The following HERPUD1 variants were observed in gnomAD, a reference collection of about 807,000 sequenced individuals.
HERPUD1 encodes homocysteine-responsive endoplasmic reticulum-resident ubiquitin-like domain member 1 protein.
A neutral mutation model predicts 45.0 loss-of-function variants in HERPUD1; 17 were observed. The observed-to-expected ratio is 0.38, with a 90% confidence interval of 0.26 to 0.57. HERPUD1 has a LOEUF of 0.57. Ranked by LOEUF, HERPUD1 falls within the 20% of genes least tolerant of loss-of-function variation. The pLI is 0.72. For synonymous variants in HERPUD1, 164 were observed against 177.5 expected, an observed-to-expected ratio of 0.92 and a Z score of 0.61; for missense variants, 420 against 490.5, an observed-to-expected ratio of 0.86 and a Z score of 1.36.
chr16:56,939,544 A>T (rs1228235320), intron 5 of HERPUD1, among the ~76,000 whole-genome samples, 185 bp downstream of exon 5: 1 of 152,248 alleles, frequency 6.6e-6, no homozygotes, highest in Non-Finnish European at 1.5e-5. Context: ...GTGTATTGAC[A>T]CAAGGGTGCT....
intron 1 of HERPUD1, among the ~76,000 whole-genome samples, chr16:56,934,090 TATCTC>T (rs1178842612): frequency 2.0e-5 from 3 of 152,230 alleles, no homozygotes; most frequent in African/African-American, 7.2e-5. Flanking sequence ...TTGCTTTAAT[TATCTC>T]AAGCTACTTG....
At chr16:56,935,039 C>T (rs938373833) in intron 1 of HERPUD1, 196 bp from the exon 2 acceptor site, 35 of 557,370 alleles carry the variant, frequency 6.3e-5, no homozygotes, top group Admixed American at 1.2e-4. Context: ...TATTTATTTG[C>T]GTGTTAGAGA....
intron 4 of HERPUD1, 156 bp from the exon 5 acceptor site, chr16:56,939,081 T>C: frequency 1.4e-6 from 1 of 722,490 alleles, no homozygotes; most frequent in East Asian, 2.7e-5. Flanking sequence ...GTGCTTGTGG[T>C]ACATGGGTGC....
intron 6 of HERPUD1, 62 bp from the exon 7 acceptor site, chr16:56,942,070 A>G: frequency 7.4e-7 from 1 of 1,355,794 alleles, no homozygotes; most frequent in Admixed American, 1.7e-5. Flanking sequence ...GGAGCCTTGG[A>G]TTCTTGAGTA....
intron 3 of HERPUD1, chr16:56,935,798 C>A: frequency 3.6e-6 from 1 of 280,110 alleles, no homozygotes. Flanking sequence ...TAGCACATAG[C>A]AAGTTTCTTC....
At chr16:56,936,582 G>C (rs2055867947) in intron 3 of HERPUD1, 105 bp from the exon 4 acceptor site, 2 of 1,012,494 alleles carry the variant, frequency 2.0e-6, no homozygotes, top group South Asian at 3.0e-5. Context: ...GTTCAGAGGT[G>C]GGGGGTAGGA....
chr16:56,933,088 C>G (rs1167822591), intron 1 of HERPUD1: 1 of 363,980 alleles, frequency 2.7e-6, no homozygotes, highest in African/African-American at 2.1e-5. Flanking sequence ...CCCTTAGCAC[C>G]GCCTGCCCTG....
chr16:56,939,257 C>G lies in HERPUD1; in HGVS notation c.452C>G (p.Ala151Gly), dbSNP rs779665054. The G allele has an allele frequency of 1.9e-6, 3 of 1,614,108 alleles. No individual in the cohort carries two copies. The East Asian group carries it at 6.7e-5, about 36-fold the overall frequency. The stretch of plus-strand genomic sequence containing the variant: ...TATAGGCCTGAAGCTGCCCAGCAGG[C>G]ATTCCAAGGCCTGGGTCCTGGTTTC... ...NISRPEAAQQ[A>G]FQGLGPGFSG... The change falls in exon 5 of 8, where the codon GCA (alanine) becomes GGA (glycine). Residue 151 changes from alanine to glycine, a missense_variant. Physicochemically the swap from Ala to Gly is moderately conservative, Grantham distance 60. Transcript: ENST00000439977.
At chr16:56,940,323 G>GT (rs533973727) in intron 6 of HERPUD1, 78 bp downstream of exon 6, 275 of 1,072,562 alleles carry the variant, frequency 2.6e-4, no homozygotes, top group South Asian at 8.9e-4. Context: ...TTTGTTTCTT[G>GT]TTTTTTTTGA....
chr16:56,932,788 G>A (rs1264825380), intron 1 of HERPUD1, among the ~76,000 whole-genome samples: 1 of 152,226 alleles, frequency 6.6e-6, no homozygotes, highest in Non-Finnish European at 1.5e-5. Context: ...CGGGGCCGTG[G>A]CTTGAGAAAC....
intron 5 of HERPUD1, among the ~76,000 whole-genome samples, chr16:56,939,662 A>C (rs2055894060): frequency 6.6e-6 from 1 of 152,222 alleles, no homozygotes; most frequent in African/African-American, 2.4e-5. Context: ...CTGTGCCATA[A>C]TCTTACAGTG....
At position 56,942,185 on chromosome 16, in the gene HERPUD1, A is replaced by C; in HGVS notation, c.959A>C (p.Asn320Thr). ...CCGAGGCCGGTTCAGAACTTCCCAA[A>C]TGATGGTCCTCCTCCTGACGTTGTA... ...FRPRPVQNFPNDGPPPDVVNQ... is the reference protein window; with the variant it reads ...FRPRPVQNFPTDGPPPDVVNQ... Residue 320 changes from asparagine (N) to threonine (T), a missense_variant, in exon 7 of 8, where the codon AAT becomes ACT. Physicochemically the swap from Asn to Thr is moderately conservative, Grantham distance 65 (BLOSUM62 0). Coordinates refer to ENST00000439977, the MANE Select transcript of HERPUD1 (RefSeq NM_014685.4). 6.2e-7 allele frequency: 1 copy of C among 1,614,150 alleles called. No homozygotes were observed. Among genetic ancestry groups the C allele is most frequent in the Admixed American group, 1.7e-5 (1 of 60,020 alleles).
Position 56,943,490 on chromosome 16 carries a change from T to C in HERPUD1, c.*200T>C. On this transcript the variant is annotated 3_prime_UTR_variant, in exon 8 of 8. Coordinates refer to ENST00000439977, the MANE Select transcript of HERPUD1 (RefSeq NM_014685.4). Reference sequence around the variant, plus strand: ...GTGAACAAAAAATGCCCAAGGCTTCTCATGTCTTTATTCTGAAGAGCTTTA... The same window carrying C: ...GTGAACAAAAAATGCCCAAGGCTTCCCATGTCTTTATTCTGAAGAGCTTTA... 1.5e-6 allele frequency: 1 copy of C among 658,932 alleles called. No individual in the cohort carries two copies. The highest frequency in any genetic ancestry group is 1.6e-5 in the South Asian group (1 of 60,770). 40.8% of individuals were successfully genotyped at this position (658,932 alleles called of 1,614,324 possible).
chr16:56,932,322 G>C lies in HERPUD1; in HGVS notation c.78G>C (p.Leu26=), dbSNP rs1374558405. 1 of 1,606,216 alleles carries C rather than the reference G, an allele frequency of 6.2e-7. No homozygotes were observed. The highest frequency in any genetic ancestry group is 1.3e-5 in the African/African-American group (1 of 74,874). Residue 26 remains leucine (L), a synonymous_variant, in exon 1 of 8, where the codon CTG becomes CTC. Transcript: ENST00000439977. Reference sequence around the variant, plus strand: ...ACCAGCGCCACCGCGACTTGGAGCTGAGTGGCGACCGCGGCTGGAGTGTGG... The same window carrying C: ...ACCAGCGCCACCGCGACTTGGAGCTCAGTGGCGACCGCGGCTGGAGTGTGG... The part of the protein sequence containing the change: ...SPNQRHRDLE[L]SGDRGWSVGH...
At chr16:56,935,621 C>T (rs2055860884) in intron 3 of HERPUD1, 146 bp downstream of exon 3, 1 of 681,528 alleles carries the variant, frequency 1.5e-6, no homozygotes, top group Non-Finnish European at 2.5e-6. Context: ...GAATTAGAAA[C>T]TGTATTATCA....
rs2055925136 is a variant in HERPUD1, at chr16:56,943,236, C to T, written c.1122C>T (p.Phe374=). Residue 374 remains phenylalanine (F), a synonymous_variant, in exon 8 of 8, where the codon TTC becomes TTT. Coordinates refer to ENST00000439977, the MANE Select transcript of HERPUD1 (RefSeq NM_014685.4). ...TTATGAGCACAGCATGGCTTGTCTT[C>T]AAGACTTTCTTTGCCTCTCTTCTTC... ...PSFMSTAWLV[F]KTFFASLLPE... is the part of the protein sequence containing the mutation. 3.1e-6 allele frequency: 5 copies of T among 1,614,052 alleles called. No individual in the cohort carries two copies. In the South Asian group the frequency reaches 5.5e-5, roughly 18 times the overall value.
At chr16:56,938,478 G>C (rs2055883141) in intron 4 of HERPUD1, among the ~76,000 whole-genome samples, 3 of 151,998 alleles carry the variant, frequency 2.0e-5, no homozygotes, top group African/African-American at 7.3e-5. Context: ...CAGGAGAATG[G>C]TGTGAATCCG....
intron 4 of HERPUD1, 138 bp from the exon 5 acceptor site, chr16:56,939,099 A>G: frequency 1.2e-6 from 1 of 869,400 alleles, no homozygotes; most frequent in Middle Eastern, 3.5e-4. Context: ...TGCGTCATAC[A>G]GTCATTTACC....
rs2055928754 is a variant in HERPUD1 at position 56,943,585 on chromosome 16, G to A, written c.*295G>A. On this transcript the variant is annotated 3_prime_UTR_variant, in exon 8 of 8. Transcript: ENST00000439977. ...TTAGGTGTTGCATGTCTATGCTTGAGGAACTTTTCCAAATGTGTGTGTCTG... is the reference window on the plus strand; with the variant it reads ...TTAGGTGTTGCATGTCTATGCTTGAAGAACTTTTCCAAATGTGTGTGTCTG... 3 of 472,058 alleles carry A rather than the reference G, an allele frequency of 6.4e-6. No homozygotes were observed. Among genetic ancestry groups the A allele is most frequent in the Non-Finnish European group, 1.2e-5 (3 of 254,668 alleles). The allele number at this position is 472,058 out of a possible 1,614,324, so 29.2% of individuals were successfully genotyped here.
Sources: allele counts gnomAD v4.1 joint callset (sites outside exome capture counted in the v4.1 genomes callset), GRCh38; gene constraint gnomAD v4.1.1; transcripts MANE v1.5; gene names NCBI Gene and HGNC (gene_info 2026-07-23, HGNC 2026-07-21).